Variants in HDAC9 observed in about 807,000 individuals in gnomAD.
The protein encoded by HDAC9 is histone deacetylase 9, also known as MEF-2 interacting transcription repressor (MITR) protein.
Under a neutral mutation model 139.4 loss-of-function variants are expected in HDAC9, and 41 were observed. The observed-to-expected ratio is 0.29, with a 90% CI of 0.23 to 0.38. The LOEUF is 0.38. Ranked by LOEUF, HDAC9 falls within the 10% of genes least tolerant of loss-of-function variation. HDAC9 has a pLI of 1.00. For missense variants in HDAC9, 1,147 were observed against 1,297.0 expected, an observed-to-expected ratio of 0.88 and a Z score of 1.78; for synonymous variants, 517 against 476.2, an observed-to-expected ratio of 1.09 and a Z score of -1.12.
chr7:18,657,223 G>T (rs1791523053), intron 11 of HDAC9, among the ~76,000 whole-genome samples: 1 of 152,078 alleles, frequency 6.6e-6, no homozygotes, highest in African/African-American at 2.4e-5. Flanking sequence ...CCCATCCTGT[G>T]GGTTTTAGCT....
At chr7:18,160,989 T>A (rs1361935368) in intron 1 of HDAC9, among the ~76,000 whole-genome samples, 1 of 152,220 alleles carries the variant, frequency 6.6e-6, no homozygotes, top group Non-Finnish European at 1.5e-5. Flanking sequence ...CTTTTCATTT[T>A]TATCTTTCTG....
chr7:18,665,286 T>TTGAACTG, intron 11 of HDAC9, among the ~76,000 whole-genome samples: 1 of 152,134 alleles, frequency 6.6e-6, no homozygotes, highest in African/African-American at 2.4e-5. Flanking sequence ...AAAACACAGT[T>TTGAACTG]CAAGGTCTGC....
intron 16 of HDAC9, among the ~76,000 whole-genome samples, chr7:18,788,122 C>T (rs993761120): frequency 2.6e-5 from 4 of 152,172 alleles, no homozygotes; most frequent in South Asian, 2.1e-4. Context: ...AAGCTGAGGT[C>T]GGCAGCAGAT....
At chr7:18,271,977 A>T (rs1268439247) in intron 2 of HDAC9, among the ~76,000 whole-genome samples, 1 of 152,222 alleles carries the variant, frequency 6.6e-6, no homozygotes, top group African/African-American at 2.4e-5. Flanking sequence ...AGAAGCATCA[A>T]AAATTAATTC....
Position 18,873,429 on chromosome 7 carries a change from T to C in HDAC9, c.2685-1049T>C, listed in dbSNP as rs181316241. The stretch of plus-strand genomic sequence containing the variant: ...CATTTCTAGGTAAGTTTCAACTAAA[T>C]ATTTTTATTGCATAACTGCAACAAC... On this transcript the variant is annotated intron_variant, in intron 21 of 25. Coordinates refer to ENST00000686413, the MANE Select transcript of HDAC9 (RefSeq NM_178425.4). 1.8e-3 allele frequency among the ~76,000 whole-genome samples: 278 copies of C among 152,278 alleles called. 1 individual carries two copies. Among genetic ancestry groups the C allele is most frequent in the African/African-American group, 6.4e-3 (266 of 41,546 alleles).
At chr7:18,678,963 T>C (rs1781704606) in intron 12 of HDAC9, among the ~76,000 whole-genome samples, 1 of 151,930 alleles carries the variant, frequency 6.6e-6, no homozygotes, top group Non-Finnish European at 1.5e-5. Context: ...AATTTGTGAG[T>C]TCTCTGGAGC....
intron 16 of HDAC9, among the ~76,000 whole-genome samples, chr7:18,785,378 A>G (rs1791624176): frequency 6.6e-6 from 1 of 151,996 alleles, no homozygotes; most frequent in Admixed American, 6.6e-5. Context: ...TCCTGGCTCT[A>G]TGCACTAGAA....
intron 2 of HDAC9, among the ~76,000 whole-genome samples, chr7:18,522,484 C>G (rs1168355340): frequency 6.6e-6 from 1 of 151,708 alleles, no homozygotes; most frequent in Non-Finnish European, 1.5e-5. Flanking sequence ...ATCATGAATT[C>G]CAGTCCAGTT....
At chr7:18,323,935 G>T (rs201903990) in intron 1 of HDAC9, among the ~76,000 whole-genome samples, 131 of 138,956 alleles carry the variant, frequency 9.4e-4, no homozygotes, top group East Asian at 2.1e-3. Flanking sequence ...TGGTTGTTTT[G>T]TTTTTTTTTT....
chr7:18,571,315 AT>A (rs1824207702), intron 2 of HDAC9, among the ~76,000 whole-genome samples: 1 of 152,224 alleles, frequency 6.6e-6, no homozygotes, highest in South Asian at 2.1e-4. Context: ...TGTGATTTGA[AT>A]TTGGCAAAAT....
chr7:18,610,929 G>A (rs1241264096), intron 6 of HDAC9, among the ~76,000 whole-genome samples: 2 of 152,020 alleles, frequency 1.3e-5, no homozygotes, highest in South Asian at 2.1e-4. Flanking sequence ...TTATTTTGGG[G>A]GCCTCAACAG....
At chr7:18,879,775 CA>C (rs1235374403) in intron 22 of HDAC9, among the ~76,000 whole-genome samples, 1 of 152,084 alleles carries the variant, frequency 6.6e-6, no homozygotes, top group Admixed American at 6.6e-5. Flanking sequence ...GACAAAGACA[CA>C]AAAGCAATCC....
At chr7:18,689,100 GA>G in intron 12 of HDAC9, among the ~76,000 whole-genome samples, 1 of 152,050 alleles carries the variant, frequency 6.6e-6, no homozygotes, top group African/African-American at 2.4e-5. Flanking sequence ...GACTTACGTT[GA>G]AAAATAACTT....
chr7:18,268,116 A>C (rs1435001350), intron 2 of HDAC9, among the ~76,000 whole-genome samples: 1 of 152,174 alleles, frequency 6.6e-6, no homozygotes, highest in African/African-American at 2.4e-5. Context: ...CAGCTCACTT[A>C]TTTAATTGAT....
At chr7:18,727,847 A>G (rs1785682644) in intron 13 of HDAC9, 90 bp downstream of exon 13, 10 of 1,025,390 alleles carry the variant, frequency 9.8e-6, no homozygotes, top group Admixed American at 3.9e-5. Flanking sequence ...AATAACTCCA[A>G]TAGCAGAACA....
intron 2 of HDAC9, among the ~76,000 whole-genome samples, chr7:18,275,038 A>G (rs1041422438): frequency 6.6e-6 from 1 of 152,222 alleles, no homozygotes; most frequent in African/African-American, 2.4e-5. Flanking sequence ...AACTTCAGGC[A>G]TGTATATCCA....
Position 18,823,976 on chromosome 7 carries a change from A to AAAGAAGAAG in HDAC9, c.2323-5172_2323-5164dup, listed in dbSNP as rs57608252. On this transcript the variant is annotated intron_variant, in intron 17 of 25. Coordinates refer to ENST00000686413, the MANE Select transcript of HDAC9 (RefSeq NM_178425.4). ...CTGGGTGACAGGGCAAGACCCTGTG[A>AAAGAAGAAG]AAGAAGAAGAAGAAGAAGAAGGAGA... Among the ~76,000 whole-genome samples, 994 of 148,664 alleles carry AAAGAAGAAG rather than the reference A, an allele frequency of 6.7e-3. 15 individuals carry two copies. Among genetic ancestry groups the AAAGAAGAAG allele is most frequent in the African/African-American group, 0.022 (904 of 40,308 alleles).
chr7:18,695,480 G>T (rs929180504), intron 12 of HDAC9, among the ~76,000 whole-genome samples: 1 of 152,172 alleles, frequency 6.6e-6, no homozygotes, highest in Non-Finnish European at 1.5e-5. Flanking sequence ...TGAAAGAGTA[G>T]AAGGAGTTTC....
intron 24 of HDAC9, 125 bp downstream of exon 24, chr7:18,954,355 T>A: frequency 1.3e-6 from 1 of 756,354 alleles, no homozygotes; most frequent in Non-Finnish European, 2.1e-6. Flanking sequence ...TTCTTAAGTA[T>A]ATATCTTAAT....
Sources: allele counts gnomAD v4.1 joint callset (sites outside exome capture counted in the v4.1 genomes callset), GRCh38; gene constraint gnomAD v4.1.1; transcripts MANE v1.5; gene names NCBI Gene and HGNC (gene_info 2026-07-23, HGNC 2026-07-21).